The following NOX4 variants were observed in gnomAD, a reference collection of about 807,000 sequenced individuals.
The protein encoded by NOX4 is kidney oxidase-1.
A neutral mutation model predicts 87.6 loss-of-function variants in NOX4; 69 were observed. That is an observed-to-expected ratio of 0.79 (90% CI 0.65 to 0.96). The LOEUF (loss-of-function observed/expected upper bound fraction) is 0.96. Ranked by LOEUF, NOX4 falls within the 40% of genes least tolerant of loss-of-function variation. The pLI, the probability that NOX4 is intolerant of heterozygous loss-of-function variation, is 0.00. For synonymous variants in NOX4, 275 were observed against 238.2 expected (o/e 1.15, Z -1.42); for missense variants, 680 against 681.5 (o/e 1.00, Z 0.02).
At chr11:89,473,509 C>A (rs10765205) in intron 2 of NOX4, among the ~76,000 whole-genome samples, 16,583 of 151,670 alleles carry the variant, frequency 0.11, 1,132 homozygotes, top group South Asian at 0.21. Flanking sequence ...GATACCTCTT[C>A]ATTTATTGGA....
At chr11:89,344,555 A>T (rs532473569) in intron 13 of NOX4, among the ~76,000 whole-genome samples, 17 of 152,236 alleles carry the variant, frequency 1.1e-4, no homozygotes, top group South Asian at 2.1e-4. Context: ...GTGTCCAAAA[A>T]TTTTTTCTTT....
chr11:89,342,695 C>A (rs1177663117), intron 13 of NOX4, among the ~76,000 whole-genome samples: 2 of 152,058 alleles, frequency 1.3e-5, no homozygotes, highest in Non-Finnish European at 2.9e-5. Context: ...CCTCCTCTTG[C>A]CCTGGTTGTT....
intron 11 of NOX4, among the ~76,000 whole-genome samples, chr11:89,377,566 A>G (rs1303848932): frequency 6.6e-6 from 1 of 152,198 alleles, no homozygotes; most frequent in East Asian, 1.9e-4. Flanking sequence ...CCCACAAAAT[A>G]TAAAAAGATA....
chr11:89,495,385 G>A (rs1321822943), upstream of NOX4, among the ~76,000 whole-genome samples: 2 of 151,872 alleles, frequency 1.3e-5, no homozygotes, highest in African/African-American at 4.8e-5. Flanking sequence ...TCTCTGCCTC[G>A]GTGGTCACAT....
chr11:89,544,248 C>T, the NOX4 span, among the ~76,000 whole-genome samples: 1 of 152,066 alleles, frequency 6.6e-6, no homozygotes, highest in Non-Finnish European at 1.5e-5. Flanking sequence ...CTCCAAGAGG[C>T]TATTTCTAGC....
chr11:89,561,171 G>A, the NOX4 span, among the ~76,000 whole-genome samples: 1 of 145,016 alleles, frequency 6.9e-6, no homozygotes, highest in Non-Finnish European at 1.5e-5. Flanking sequence ...GTTTGTTCTA[G>A]CCTATCCATA....
the NOX4 span, among the ~76,000 whole-genome samples, chr11:89,586,134 A>G: frequency 6.6e-5 from 10 of 151,854 alleles, no homozygotes; most frequent in African/African-American, 2.4e-4. Context: ...ACCTCCTTTT[A>G]TTCCAGTTAT....
chr11:89,413,935 G>GT (rs755167290), intron 8 of NOX4, among the ~76,000 whole-genome samples: 2 of 151,870 alleles, frequency 1.3e-5, no homozygotes, highest in Admixed American at 1.3e-4. Flanking sequence ...AAATAGAAAA[G>GT]TTTTTTAAAT....
At chr11:89,457,135 G>A (rs991768016) in intron 2 of NOX4, among the ~76,000 whole-genome samples, 1 of 152,144 alleles carries the variant, frequency 6.6e-6, no homozygotes, top group Non-Finnish European at 1.5e-5. Context: ...CTGCAGCCTT[G>A]ACCCACTACA....
the NOX4 span, among the ~76,000 whole-genome samples, chr11:89,540,167 T>C: frequency 6.6e-6 from 1 of 152,138 alleles, no homozygotes; most frequent in Admixed American, 6.6e-5. Context: ...TAAATGCTCC[T>C]ATTCAAAAAA....
At chr11:89,397,284 C>A (rs1302023177) in intron 11 of NOX4, among the ~76,000 whole-genome samples, 7 of 152,086 alleles carry the variant, frequency 4.6e-5, no homozygotes, top group Non-Finnish European at 1.0e-4. Context: ...AACAAAGACA[C>A]AATATACCAG....
intron 15 of NOX4, among the ~76,000 whole-genome samples, 178 bp downstream of exon 15, chr11:89,339,885 T>C (rs553626483): frequency 6.6e-6 from 1 of 152,312 alleles, no homozygotes; most frequent in East Asian, 1.9e-4. Flanking sequence ...GTGTGTCTAA[T>C]TGCTAACAGA....
intron 6 of NOX4, among the ~76,000 whole-genome samples, chr11:89,437,228 C>T (rs1388714773): frequency 6.6e-6 from 1 of 151,850 alleles, no homozygotes; most frequent in Non-Finnish European, 1.5e-5. Context: ...CTTAGCCGGG[C>T]ATGGTGACGG....
At chr11:89,525,603 G>A in the NOX4 span, among the ~76,000 whole-genome samples, 1 of 151,888 alleles carries the variant, frequency 6.6e-6, no homozygotes, top group Non-Finnish European at 1.5e-5. Flanking sequence ...TGTTCTTTAT[G>A]TATTGTGGAT....
chr11:89,403,863 CTGG>C (rs1373931811), intron 8 of NOX4, among the ~76,000 whole-genome samples: 29 of 152,168 alleles, frequency 1.9e-4, no homozygotes, highest in Admixed American at 1.9e-3. Flanking sequence ...AGGCCAGTCT[CTGG>C]TTGTATTCAC....
the NOX4 span, chr11:89,534,010 C>A: frequency 2.6e-5 from 4 of 152,196 alleles, no homozygotes; most frequent in African/African-American, 9.6e-5. Context: ...AACAAAGTTC[C>A]TATTACAAAA....
Position 89,464,233 on chromosome 11 carries a change from G to A in NOX4, c.154-12338C>T, listed in dbSNP as rs75315471. 5.0e-4 allele frequency among the ~76,000 whole-genome samples: 76 copies of A among 152,132 alleles called. 1 individual carries two copies. In the East Asian group the frequency reaches 0.013, roughly 26 times the overall value. The stretch of plus-strand genomic sequence containing the variant: ...AAAGTGGATTTAAGTGTCCCCTTGG[G>A]ATAAATAGAGCTTATTTTAACATCA... On this transcript the variant is annotated intron_variant, in intron 2 of 17. Coordinates refer to ENST00000263317, the MANE Select transcript of NOX4 (RefSeq NM_016931.5).
At chr11:89,337,415 T>A in intron 16 of NOX4, 32 bp downstream of exon 16, 1 of 1,610,758 alleles carries the variant, frequency 6.2e-7, no homozygotes, top group Non-Finnish European at 8.5e-7. Flanking sequence ...ATCAAGAGGC[T>A]TGTTTAATTT....
chr11:89,445,607 A>C (rs1166707090), intron 4 of NOX4, among the ~76,000 whole-genome samples: 1 of 152,192 alleles, frequency 6.6e-6, no homozygotes, highest in Non-Finnish European at 1.5e-5. Context: ...AGCAAAAGCA[A>C]TACAAAGAAG....
Sources: gnomAD v4.1 joint callset for allele counts (sites outside exome capture counted in the v4.1 genomes callset) on GRCh38, gnomAD v4.1.1 for gene constraint, MANE v1.5 for transcripts, NCBI Gene and HGNC (gene_info 2026-07-23, HGNC 2026-07-21) for gene names.